The following FAM13C variants were observed in gnomAD, a reference collection of about 807,000 sequenced individuals.
FAM13C encodes family with sequence similarity 13 member C, also known as protein FAM13C.
A neutral mutation model predicts 73.2 loss-of-function variants in FAM13C; 37 were observed. That is an observed-to-expected ratio of 0.51 (90% CI 0.39 to 0.67). FAM13C has a LOEUF of 0.67. FAM13C is among the 30% of genes least tolerant of loss of function. The pLI is 0.00. For synonymous variants in FAM13C, 246 were observed against 260.9 expected (o/e 0.94, Z 0.55); for missense variants, 589 against 715.6 (o/e 0.82, Z 2.02).
chr10:59,319,205 A>T (rs1849905060), intron 4 of FAM13C, among the ~76,000 whole-genome samples: 1 of 152,156 alleles, frequency 6.6e-6, no homozygotes, highest in Non-Finnish European at 1.5e-5. Context: ...CTATAAAGCA[A>T]CAAAGCCCAC....
chr10:59,269,825 C>A (rs999990758), intron 7 of FAM13C, 74 bp downstream of exon 7: 5 of 1,522,992 alleles, frequency 3.3e-6, no homozygotes, highest in Non-Finnish European at 4.5e-6. Context: ...TTCAGTCACA[C>A]TTCATTGTAG....
chr10:59,289,478 A>G (rs1845974829), intron 5 of FAM13C, among the ~76,000 whole-genome samples: 1 of 152,216 alleles, frequency 6.6e-6, no homozygotes, highest in East Asian at 1.9e-4. Context: ...TCCACCTTGC[A>G]GGCATGATGC....
intron 1 of FAM13C, among the ~76,000 whole-genome samples, chr10:59,357,284 TACTCTTC>T (rs1215476788): frequency 5.9e-5 from 9 of 152,230 alleles, no homozygotes; most frequent in African/African-American, 2.2e-4. Flanking sequence ...CATAAACATT[TACTCTTC>T]ATTCTGAGGT....
At chr10:59,303,096 C>T (rs1488818502) in intron 4 of FAM13C, among the ~76,000 whole-genome samples, 1 of 152,196 alleles carries the variant, frequency 6.6e-6, no homozygotes, top group African/African-American at 2.4e-5. Context: ...TTGTTCACCA[C>T]ACTCCAGCCA....
chr10:59,304,883 T>C (rs1848079477), intron 4 of FAM13C, among the ~76,000 whole-genome samples: 2 of 145,338 alleles, frequency 1.4e-5, no homozygotes, highest in South Asian at 4.7e-4. Context: ...ATTTGTTCCC[T>C]AGAGAACAGC....
chr10:59,326,439 C>T (rs567827347), intron 3 of FAM13C, among the ~76,000 whole-genome samples: 1 of 152,154 alleles, frequency 6.6e-6, no homozygotes, highest in East Asian at 1.9e-4. Flanking sequence ...GGAACAGGCT[C>T]TGATGTGATA....
intron 3 of FAM13C, among the ~76,000 whole-genome samples, chr10:59,346,116 G>A (rs554079265): frequency 6.6e-6 from 1 of 152,254 alleles, no homozygotes; most frequent in African/African-American, 2.4e-5. Context: ...GTTTGAAGTT[G>A]CTCACTGGAT....
At chr10:59,297,517 C>A (rs926946965) in intron 5 of FAM13C, among the ~76,000 whole-genome samples, 13 of 152,142 alleles carry the variant, frequency 8.5e-5, no homozygotes, top group African/African-American at 3.1e-4. Flanking sequence ...TAGGACTCAG[C>A]GACTTCCATC....
At chr10:59,270,321 G>A in intron 6 of FAM13C, 2 of 559,510 alleles carry the variant, frequency 3.6e-6, no homozygotes, top group Admixed American at 3.5e-5. Context: ...CAAAACAAAG[G>A]AAACAAATAA....
At chr10:59,350,472 G>T (rs1032420561) in intron 3 of FAM13C, among the ~76,000 whole-genome samples, 9 of 152,142 alleles carry the variant, frequency 5.9e-5, no homozygotes, top group African/African-American at 2.2e-4. Flanking sequence ...TCAGACCTGG[G>T]GGCAGCCTTT....
At chr10:59,348,568 C>A (rs1854610568) in intron 3 of FAM13C, among the ~76,000 whole-genome samples, 2 of 152,188 alleles carry the variant, frequency 1.3e-5, no homozygotes, top group Non-Finnish European at 2.9e-5. Context: ...TACATCTAGG[C>A]CAATGGCTTT....
chr10:59,340,678 A>G lies in FAM13C; in HGVS notation c.324+11592T>C, dbSNP rs146812448. ...TCCATCTTGATGCTTCACATAAAGT[A>G]GAAAAGGTCACAGCTGTCAAAGTCT... On this transcript the variant is annotated intron_variant, in intron 3 of 13. Transcript: ENST00000618804. Among the ~76,000 whole-genome samples, 514 of 152,202 alleles carry G rather than the reference A, an allele frequency of 3.4e-3. 3 individuals carry two copies. Among genetic ancestry groups the G allele is most frequent in the African/African-American group, 0.011 (472 of 41,520 alleles).
intron 6 of FAM13C, among the ~76,000 whole-genome samples, chr10:59,273,150 A>G (rs1484065004): frequency 6.6e-6 from 1 of 152,220 alleles, no homozygotes; most frequent in Non-Finnish European, 1.5e-5. Flanking sequence ...ATCCTAAGCA[A>G]TGACCAAGAA....
chr10:59,291,955 A>AT (rs1489030830), intron 5 of FAM13C, among the ~76,000 whole-genome samples: 9 of 151,758 alleles, frequency 5.9e-5, no homozygotes, highest in Non-Finnish European at 1.2e-4. Context: ...CGCCTGGCGA[A>AT]TTTTTTATAT....
intron 10 of FAM13C, among the ~76,000 whole-genome samples, chr10:59,258,867 T>C (rs1203874362): frequency 6.6e-6 from 1 of 152,166 alleles, no homozygotes; most frequent in Non-Finnish European, 1.5e-5. Context: ...AATGTATACT[T>C]TCTAAAAATC....
intron 3 of FAM13C, among the ~76,000 whole-genome samples, chr10:59,346,886 C>A (rs1012929144): frequency 7.2e-5 from 11 of 152,086 alleles, no homozygotes; most frequent in African/African-American, 2.7e-4. Context: ...AATTAGATAT[C>A]ACATAAGGGC....
intron 5 of FAM13C, among the ~76,000 whole-genome samples, chr10:59,295,426 C>A (rs1846793034): frequency 6.6e-6 from 1 of 152,132 alleles, no homozygotes; most frequent in African/African-American, 2.4e-5. Flanking sequence ...GTGTGACAGC[C>A]TCTAGAAGCT....
intron 3 of FAM13C, among the ~76,000 whole-genome samples, chr10:59,330,687 G>A (rs892477961): frequency 3.3e-5 from 5 of 152,200 alleles, no homozygotes; most frequent in South Asian, 4.2e-4. Context: ...CCCTCTCTAG[G>A]AATCCTTGCA....
chr10:59,362,711 C>T (rs558270939), upstream of FAM13C: 305 of 733,936 alleles, frequency 4.2e-4, 1 homozygote, highest in African/African-American at 4.7e-3. Flanking sequence ...GGCTGGGACC[C>T]CGGGATCCAG....
Sources: allele counts gnomAD v4.1 joint callset (sites outside exome capture counted in the v4.1 genomes callset), GRCh38; gene constraint gnomAD v4.1.1; transcripts MANE v1.5; gene names NCBI Gene and HGNC (gene_info 2026-07-23, HGNC 2026-07-21).